The following COMMD10 variants were observed in gnomAD, a reference collection of about 807,000 sequenced individuals.
COMMD10 encodes the protein COMM domain-containing protein 10.
Under a neutral mutation model 28.9 loss-of-function variants are expected in COMMD10, and 33 were observed. The ratio of observed to expected loss-of-function variants is 1.14; its 90% CI spans 0.87 to 1.53. COMMD10 has a LOEUF of 1.53. COMMD10 is among the 40% of genes most tolerant of loss of function. The pLI is 0.00. For synonymous variants in COMMD10, 110 were observed against 81.7 expected, an observed-to-expected ratio of 1.35 and a Z score of -1.87; for missense variants, 310 against 233.4, an observed-to-expected ratio of 1.33 and a Z score of -2.14.
At chr5:116,290,470 C>G (rs533573008) in intron 5 of COMMD10, among the ~76,000 whole-genome samples, 1 of 151,758 alleles carries the variant, frequency 6.6e-6, no homozygotes, top group African/African-American at 2.4e-5. Context: ...GAACATAGCC[C>G]CATTGACTCT....
chr5:116,170,685 A>T (rs1368022834), intron 5 of COMMD10, among the ~76,000 whole-genome samples: 1 of 152,210 alleles, frequency 6.6e-6, no homozygotes, highest in African/African-American at 2.4e-5. Flanking sequence ...AATGCCACAC[A>T]TCTACAACCA....
At chr5:116,276,154 T>C (rs1239948536) in intron 5 of COMMD10, among the ~76,000 whole-genome samples, 1 of 150,822 alleles carries the variant, frequency 6.6e-6, no homozygotes, top group Non-Finnish European at 1.5e-5. Context: ...TTCAGAAGAG[T>C]CTTAAAGTAT....
At chr5:116,217,280 G>A (rs1305973705) in intron 5 of COMMD10, among the ~76,000 whole-genome samples, 1 of 151,886 alleles carries the variant, frequency 6.6e-6, no homozygotes, top group Admixed American at 6.6e-5. Context: ...CAGAACATGG[G>A]CAGACAGTCA....
intron 5 of COMMD10, among the ~76,000 whole-genome samples, chr5:116,273,940 A>T (rs1011409769): frequency 6.6e-6 from 1 of 151,762 alleles, no homozygotes; most frequent in Non-Finnish European, 1.5e-5. Flanking sequence ...AATTGCATTT[A>T]TTTTCTCTTA....
intron 5 of COMMD10, among the ~76,000 whole-genome samples, chr5:116,289,439 T>C (rs1751307230): frequency 6.6e-6 from 1 of 151,814 alleles, no homozygotes; most frequent in Non-Finnish European, 1.5e-5. Context: ...TTCTAGGGCC[T>C]CTCAAATGTT....
rs932919834 is a variant in COMMD10 at position 116,254,459 on chromosome 5, A to G, written c.511-37058A>G. 2.5e-4 allele frequency among the ~76,000 whole-genome samples: 37 copies of G among 150,502 alleles called. 1 individual carries two copies. The highest frequency in any genetic ancestry group is 8.4e-4 in the African/African-American group (34 of 40,314). ...TAGTGCTATAAATTTCCCTCTACACACTGCTTTGAATGCGTCCCAGAGATT... is the reference window on the plus strand; with the variant it reads ...TAGTGCTATAAATTTCCCTCTACACGCTGCTTTGAATGCGTCCCAGAGATT... On this transcript the variant is annotated intron_variant, in intron 5 of 6. Coordinates refer to ENST00000274458, the MANE Select transcript of COMMD10 (RefSeq NM_016144.4).
At chr5:116,229,545 C>T (rs904668044) in intron 5 of COMMD10, among the ~76,000 whole-genome samples, 1 of 151,954 alleles carries the variant, frequency 6.6e-6, no homozygotes, top group African/African-American at 2.4e-5. Flanking sequence ...AATTATTGAG[C>T]AGTTCTGTAG....
chr5:116,205,591 G>C (rs990832580), intron 5 of COMMD10, among the ~76,000 whole-genome samples: 3 of 152,004 alleles, frequency 2.0e-5, no homozygotes, highest in Non-Finnish European at 4.4e-5. Context: ...TATGGCTATA[G>C]ATCTGTGTGT....
At chr5:116,184,620 C>T (rs545914991) in intron 5 of COMMD10, among the ~76,000 whole-genome samples, 5 of 151,990 alleles carry the variant, frequency 3.3e-5, no homozygotes, top group Non-Finnish European at 7.4e-5. Flanking sequence ...ACTTTTACTC[C>T]AGCAGCAGTG....
chr5:116,153,088 C>T lies in COMMD10; in HGVS notation c.510+18910C>T, dbSNP rs145927060. ...TCTTTTCGACACTACACATGAATGA[C>T]CTTTATGAATAAAATAGTGCTACCT... On this transcript the variant is annotated intron_variant, in intron 5 of 6. Coordinates refer to ENST00000274458, the MANE Select transcript of COMMD10 (RefSeq NM_016144.4). Among the ~76,000 whole-genome samples, 10 of 152,130 alleles carry T rather than the reference C, an allele frequency of 6.6e-5. 1 individual carries two copies. Among genetic ancestry groups the T allele is most frequent in the African/African-American group, 2.4e-4 (10 of 41,532 alleles).
Position 116,085,052 on chromosome 5 carries a change from G to A in COMMD10, c.-1G>A, listed in dbSNP as rs774368450. 36 of 1,608,702 alleles carry A rather than the reference G, an allele frequency of 2.2e-5. No homozygotes were observed. The highest frequency in any genetic ancestry group is 2.8e-5 in the Non-Finnish European group (33 of 1,178,734). ...ACGGCGGCAGTGCGAGAAAGCCGAA[G>A]ATGGCGGTCCCCGCGGCGCTGATCC... On this transcript the variant is annotated 5_prime_UTR_variant, in exon 1 of 7. Transcript: ENST00000274458.
chr5:116,282,868 A>C (rs767484919), intron 5 of COMMD10, among the ~76,000 whole-genome samples: 2 of 151,908 alleles, frequency 1.3e-5, no homozygotes, highest in Non-Finnish European at 2.9e-5. Context: ...AGGCGTTAGG[A>C]CTTCAACTTA....
chr5:116,150,250 G>T (rs1480218800), intron 5 of COMMD10, among the ~76,000 whole-genome samples: 1 of 152,074 alleles, frequency 6.6e-6, no homozygotes, highest in Non-Finnish European at 1.5e-5. Flanking sequence ...TGCTGTTTTG[G>T]TTACTGTAGC....
At chr5:116,251,264 CTTTTTATT>C (rs1427629643) in intron 5 of COMMD10, among the ~76,000 whole-genome samples, 1 of 122,048 alleles carries the variant, frequency 8.2e-6, no homozygotes, top group African/African-American at 2.8e-5. Context: ...AGACTCTTTT[CTTTTTATT>C]TATTTATTTA....
chr5:116,188,509 G>A (rs945269226), intron 5 of COMMD10: 2 of 152,056 alleles, frequency 1.3e-5, no homozygotes, highest in Admixed American at 6.5e-5. Context: ...TCTTCCCTTT[G>A]TCTTTCCAAT....
At chr5:116,168,487 T>TA (rs1181044990) in intron 5 of COMMD10, among the ~76,000 whole-genome samples, 2 of 152,118 alleles carry the variant, frequency 1.3e-5, no homozygotes, top group Non-Finnish European at 2.9e-5. Flanking sequence ...GCAGACCTAA[T>TA]AGACATCTAC....
chr5:116,194,676 G>A (rs1580538946), intron 5 of COMMD10, among the ~76,000 whole-genome samples: 1 of 152,166 alleles, frequency 6.6e-6, no homozygotes, highest in African/African-American at 2.4e-5. Flanking sequence ...GAAATGGTAA[G>A]TTAAAAAATT....
chr5:116,247,404 C>T (rs577489377), intron 5 of COMMD10, among the ~76,000 whole-genome samples: 15 of 151,968 alleles, frequency 9.9e-5, no homozygotes, highest in Middle Eastern at 3.2e-3. Flanking sequence ...TGGAAGACAG[C>T]GTGGTGATTC....
chr5:116,239,345 C>T (rs958541021), intron 5 of COMMD10, among the ~76,000 whole-genome samples: 5 of 152,138 alleles, frequency 3.3e-5, no homozygotes, highest in Non-Finnish European at 7.4e-5. Context: ...CTTACTCACA[C>T]ATTTGTGAGA....
Sources: gnomAD v4.1 joint callset for allele counts (sites outside exome capture counted in the v4.1 genomes callset) on GRCh38, gnomAD v4.1.1 for gene constraint, MANE v1.5 for transcripts, NCBI Gene and HGNC (gene_info 2026-07-23, HGNC 2026-07-21) for gene names.